NT5DC3: variants seen among roughly 807,000 people sequenced by gnomAD.
NT5DC3 encodes 5'-nucleotidase domain containing 3.
In NT5DC3, 42 loss-of-function variants were observed where a neutral mutation model predicts 67.8. That is an observed-to-expected ratio of 0.62 (90% CI 0.48 to 0.80). The LOEUF (loss-of-function observed/expected upper bound fraction) is 0.80. Ranked by LOEUF, NT5DC3 falls within the 30% of genes least tolerant of loss-of-function variation. The pLI, the probability that NT5DC3 is intolerant of heterozygous loss-of-function variation, is 0.00. For missense variants in NT5DC3, 570 were observed against 696.4 expected (o/e 0.82, Z 2.04); for synonymous variants, 237 against 255.6 (o/e 0.93, Z 0.69).
chr12:103,772,146 C>T (rs941489792), downstream of NT5DC3, among the ~76,000 whole-genome samples: 3 of 152,056 alleles, frequency 2.0e-5, no homozygotes, highest in African/African-American at 7.2e-5. Context: ...TTTGAAGTCC[C>T]TTAGAATTTT....
chr12:103,755,860 C>CT, the NT5DC3 span: 1 of 712,468 alleles, frequency 1.4e-6, no homozygotes, highest in African/African-American at 1.8e-5. Context: ...AATCTAAAGC[C>CT]TAGTTTTGCC....
At chr12:103,762,720 C>G in the NT5DC3 span, among the ~76,000 whole-genome samples, 2 of 152,178 alleles carry the variant, frequency 1.3e-5, no homozygotes, top group Non-Finnish European at 2.9e-5. Context: ...TCTTGTTTAC[C>G]TTGGAGGATT....
At chr12:103,751,664 G>A in the NT5DC3 span, among the ~76,000 whole-genome samples, 3 of 152,148 alleles carry the variant, frequency 2.0e-5, no homozygotes, top group Non-Finnish European at 4.4e-5. Context: ...TTTGCCCCTG[G>A]GACTGTGAAG....
At chr12:103,789,423 T>TCAAAAA (rs67579592) in intron 9 of NT5DC3, among the ~76,000 whole-genome samples, 4 of 151,016 alleles carry the variant, frequency 2.6e-5, no homozygotes, top group African/African-American at 4.9e-5. Context: ...AAACTCCATC[T>TCAAAAA]CAAAAACAAA....
At chr12:103,751,833 A>G in the NT5DC3 span, among the ~76,000 whole-genome samples, 1 of 152,202 alleles carries the variant, frequency 6.6e-6, no homozygotes, top group Admixed American at 6.5e-5. Flanking sequence ...ATGCCAAGAA[A>G]ATGTTGGCAG....
chr12:103,810,034 A>T (rs1442725521), intron 2 of NT5DC3, among the ~76,000 whole-genome samples: 1 of 149,700 alleles, frequency 6.7e-6, no homozygotes, highest in Non-Finnish European at 1.5e-5. Context: ...CAGCCCAAAA[A>T]TGCGTGTGGC....
intron 4 of NT5DC3, among the ~76,000 whole-genome samples, chr12:103,803,550 T>C (rs1397708578): frequency 6.6e-6 from 1 of 152,202 alleles, no homozygotes; most frequent in African/African-American, 2.4e-5. Context: ...TGGGGGTTTG[T>C]TGTAGATATT....
chr12:103,756,841 C>T, the NT5DC3 span, among the ~76,000 whole-genome samples: 1 of 151,900 alleles, frequency 6.6e-6, no homozygotes, highest in Non-Finnish European at 1.5e-5. Flanking sequence ...TCAGGACCAC[C>T]ATTAAATACA....
At chr12:103,764,539 T>C in the NT5DC3 span, among the ~76,000 whole-genome samples, 5 of 152,248 alleles carry the variant, frequency 3.3e-5, no homozygotes, top group African/African-American at 4.8e-5. Flanking sequence ...TGTAGTTTAA[T>C]ACCAGTTCTC....
intron 2 of NT5DC3, among the ~76,000 whole-genome samples, chr12:103,813,836 C>A (rs544311172): frequency 6.6e-6 from 1 of 152,332 alleles, no homozygotes; most frequent in African/African-American, 2.4e-5. Context: ...CTATACAACA[C>A]TAGCCCATTA....
chr12:103,759,063 C>A, the NT5DC3 span: 1 of 1,611,598 alleles, frequency 6.2e-7, no homozygotes, highest in South Asian at 1.1e-5. Context: ...TCTTCGTCAT[C>A]CCCATCATTA....
At chr12:103,788,791 C>T (rs757252747) in intron 10 of NT5DC3, 47 bp downstream of exon 10, 8 of 1,252,530 alleles carry the variant, frequency 6.4e-6, no homozygotes, top group Admixed American at 1.7e-5. Flanking sequence ...GCATTATTAC[C>T]GACCACAAAG....
At chr12:103,825,082 C>CT (rs56797950) in intron 1 of NT5DC3, among the ~76,000 whole-genome samples, 2 of 152,106 alleles carry the variant, frequency 1.3e-5, no homozygotes, top group Non-Finnish European at 2.9e-5. Flanking sequence ...CATGCCCCCC[C>CT]GGGAAGAGGC....
chr12:103,829,925 T>C (rs1468443423), intron 1 of NT5DC3, among the ~76,000 whole-genome samples: 1 of 152,152 alleles, frequency 6.6e-6, no homozygotes, highest in Non-Finnish European at 1.5e-5. Flanking sequence ...TCTTAAATGA[T>C]TGAGCTAGAT....
intron 1 of NT5DC3, among the ~76,000 whole-genome samples, chr12:103,838,731 A>G (rs2139497982): frequency 6.8e-6 from 1 of 147,592 alleles, no homozygotes; most frequent in East Asian, 1.9e-4. Flanking sequence ...GTGGTTAAAC[A>G]AACAATTAAA....
chr12:103,764,319 C>T, the NT5DC3 span, among the ~76,000 whole-genome samples: 1 of 152,324 alleles, frequency 6.6e-6, no homozygotes, highest in Admixed American at 6.5e-5. Context: ...GTTGTCAGAG[C>T]TGCTGCTTTC....
chr12:103,766,448 C>A, downstream of NT5DC3: 2 of 1,241,298 alleles, frequency 1.6e-6, no homozygotes, highest in Non-Finnish European at 2.2e-6. Flanking sequence ...CACTCAGAAG[C>A]CATACCTCAT....
At chr12:103,838,184 C>G (rs567228747) in intron 1 of NT5DC3, among the ~76,000 whole-genome samples, 1 of 152,316 alleles carries the variant, frequency 6.6e-6, no homozygotes, top group Admixed American at 6.5e-5. Context: ...GAAAGACTAT[C>G]CCCCATAATT....
At chr12:103,763,542 T>A in the NT5DC3 span, 2 of 1,614,134 alleles carry the variant, frequency 1.2e-6, no homozygotes, top group Non-Finnish European at 1.7e-6. Flanking sequence ...AGCCTGAGAA[T>A]ATCTCGAACC....
Sources: allele counts gnomAD v4.1 joint callset (sites outside exome capture counted in the v4.1 genomes callset), GRCh38; gene constraint gnomAD v4.1.1; transcripts MANE v1.5; gene names NCBI Gene and HGNC (gene_info 2026-07-23, HGNC 2026-07-21).